The following EYS variants were observed in gnomAD, a reference collection of about 807,000 sequenced individuals.
EYS encodes the protein protein eyes shut homolog.
In EYS, 250 loss-of-function variants were observed where a neutral mutation model predicts 282.1. The ratio of observed to expected loss-of-function variants is 0.89; its 90% confidence interval spans 0.80 to 0.98. EYS has a LOEUF of 0.98. Ranked by LOEUF, EYS falls within the 50% of genes least tolerant of loss-of-function variation. EYS has a pLI of 0.00. For missense variants in EYS, 4,016 were observed against 3,709.0 expected, an observed-to-expected ratio of 1.08 and a Z score of -2.15; for synonymous variants, 1,355 against 1,282.9, an observed-to-expected ratio of 1.06 and a Z score of -1.20.
At chr6:65,421,340 A>G (rs1490988928) in intron 5 of EYS, among the ~76,000 whole-genome samples, 1 of 151,800 alleles carries the variant, frequency 6.6e-6, no homozygotes, top group East Asian at 1.9e-4. Context: ...CTAGATTCAA[A>G]CTTTTCTTCT....
intron 5 of EYS, among the ~76,000 whole-genome samples, chr6:65,445,991 T>C (rs1166535774): frequency 2.0e-5 from 3 of 151,820 alleles, no homozygotes; most frequent in Non-Finnish European, 4.4e-5. Context: ...CTAAAAGTAG[T>C]AGAGTTTGAA....
intron 12 of EYS, among the ~76,000 whole-genome samples, chr6:65,236,105 T>G (rs530065855): frequency 2.0e-5 from 3 of 152,234 alleles, no homozygotes; most frequent in African/African-American, 7.2e-5. Flanking sequence ...ATTAATTTGT[T>G]AGTTTGGATT....
At chr6:63,743,608 A>G (rs1404359975) in intron 41 of EYS, among the ~76,000 whole-genome samples, 4 of 152,216 alleles carry the variant, frequency 2.6e-5, no homozygotes, top group African/African-American at 9.6e-5. Flanking sequence ...TGTGAGCTGC[A>G]TGATATTTGC....
chr6:64,146,290 A>G (rs981315547), intron 31 of EYS, among the ~76,000 whole-genome samples: 15 of 152,210 alleles, frequency 9.9e-5, no homozygotes, highest in Non-Finnish European at 1.8e-4. Flanking sequence ...ACAAATAGAA[A>G]AGTCATGTCA....
intron 35 of EYS, among the ~76,000 whole-genome samples, chr6:63,875,718 G>A (rs1296507866): frequency 1.3e-5 from 2 of 152,062 alleles, no homozygotes; most frequent in East Asian, 1.9e-4. Context: ...ATGTGTCAAG[G>A]AATTTATCCA....
intron 12 of EYS, among the ~76,000 whole-genome samples, chr6:65,103,643 A>G (rs1016199162): frequency 2.6e-5 from 4 of 151,544 alleles, no homozygotes; most frequent in African/African-American, 9.7e-5. Context: ...TAACAAATAC[A>G]AAGGTGACCC....
chr6:64,299,451 G>A (rs1360953287), intron 30 of EYS, among the ~76,000 whole-genome samples: 4 of 152,186 alleles, frequency 2.6e-5, no homozygotes, highest in Non-Finnish European at 5.9e-5. Flanking sequence ...CTAGGTCTGT[G>A]GGTCAGACCC....
chr6:64,174,462 A>G (rs541270552), intron 31 of EYS, among the ~76,000 whole-genome samples: 42 of 151,988 alleles, frequency 2.8e-4, no homozygotes, highest in African/African-American at 1.0e-3. Context: ...TAATCTTTTT[A>G]TCATCACCAA....
At chr6:64,331,107 A>G (rs1024543742) in intron 29 of EYS, among the ~76,000 whole-genome samples, 1 of 152,158 alleles carries the variant, frequency 6.6e-6, no homozygotes, top group African/African-American at 2.4e-5. Flanking sequence ...GCTGGTCGGA[A>G]CTTCGGCCCA....
intron 32 of EYS, among the ~76,000 whole-genome samples, chr6:64,073,149 A>C (rs1416806529): frequency 6.6e-6 from 1 of 151,874 alleles, no homozygotes; most frequent in East Asian, 1.9e-4. Flanking sequence ...ATGAACAATG[A>C]AGCTTAGTTC....
chr6:64,843,127 T>A (rs1583214838), intron 19 of EYS, among the ~76,000 whole-genome samples: 1 of 152,172 alleles, frequency 6.6e-6, no homozygotes, highest in East Asian at 1.9e-4. Flanking sequence ...CTGTTCCATC[T>A]GGTCCAGCAG....
chr6:64,657,956 A>T (rs944816302), intron 22 of EYS, among the ~76,000 whole-genome samples: 1 of 152,178 alleles, frequency 6.6e-6, no homozygotes, highest in African/African-American at 2.4e-5. Context: ...GTGTTTTCCA[A>T]CGTGGTTCCA....
At chr6:64,860,226 A>T (rs1766192745) in intron 19 of EYS, among the ~76,000 whole-genome samples, 1 of 152,204 alleles carries the variant, frequency 6.6e-6, no homozygotes, top group Non-Finnish European at 1.5e-5. Context: ...TTGGGCTGTC[A>T]CTTTGCCAGC....
At chr6:65,041,621 T>G (rs1252443991) in intron 13 of EYS, among the ~76,000 whole-genome samples, 1 of 151,698 alleles carries the variant, frequency 6.6e-6, no homozygotes, top group Non-Finnish European at 1.5e-5. Context: ...TTTCTAAATT[T>G]TGGTTAAAAA....
intron 22 of EYS, among the ~76,000 whole-genome samples, chr6:64,662,342 C>A (rs1189434779): frequency 6.6e-6 from 1 of 151,838 alleles, no homozygotes. Flanking sequence ...ATGTAACTAA[C>A]CTGCACGTTG....
chr6:65,618,581 G>T (rs563657987), intron 2 of EYS, among the ~76,000 whole-genome samples: 5 of 152,216 alleles, frequency 3.3e-5, no homozygotes, highest in African/African-American at 1.2e-4. Flanking sequence ...GTCAATTTTG[G>T]CTTTTGTTGC....
chr6:64,107,244 G>GATATATATAT, intron 31 of EYS, among the ~76,000 whole-genome samples: 1 of 124,484 alleles, frequency 8.0e-6, no homozygotes, highest in African/African-American at 3.2e-5. Flanking sequence ...ACTAGTAGGA[G>GATATATATAT]ATATATATAT....
intron 22 of EYS, among the ~76,000 whole-genome samples, chr6:64,735,012 T>C (rs1012847351): frequency 2.6e-5 from 4 of 152,168 alleles, no homozygotes; most frequent in African/African-American, 9.7e-5. Context: ...TAAGACATAA[T>C]ATGCACTATA....
intron 22 of EYS, among the ~76,000 whole-genome samples, chr6:64,667,803 A>C (rs1263932996): frequency 6.6e-6 from 1 of 152,168 alleles, no homozygotes; most frequent in Admixed American, 6.5e-5. Flanking sequence ...ATTCATACAC[A>C]AATATATGAT....
Sources: allele counts gnomAD v4.1 joint callset (sites outside exome capture counted in the v4.1 genomes callset), GRCh38; gene constraint gnomAD v4.1.1; transcripts MANE v1.5; gene names NCBI Gene and HGNC (gene_info 2026-07-23, HGNC 2026-07-21).